The following FAM222A variants were observed in gnomAD, a reference collection of about 807,000 sequenced individuals.
FAM222A encodes the protein protein FAM222A.
Under a neutral mutation model 25.8 loss-of-function variants are expected in FAM222A, and 7 were observed. The ratio of observed to expected loss-of-function variants is 0.27; its 90% CI spans 0.15 to 0.51. The LOEUF (loss-of-function observed/expected upper bound fraction) is 0.51, where lower values mean the gene tolerates loss of function less well. Ranked by LOEUF, FAM222A falls within the 20% of genes least tolerant of loss-of-function variation. The pLI is 0.97. For synonymous variants in FAM222A, 294 were observed against 298.8 expected, an observed-to-expected ratio of 0.98 and a Z score of 0.17; for missense variants, 573 against 640.5, an observed-to-expected ratio of 0.89 and a Z score of 1.14.
At chr12:109,725,653 G>A (rs546311735) in intron 1 of FAM222A, among the ~76,000 whole-genome samples, 21 of 151,968 alleles carry the variant, frequency 1.4e-4, no homozygotes, top group Admixed American at 9.8e-4. Context: ...GCCCATTCCC[G>A]GCCTGTAGTG....
chr12:109,744,160 T>C lies in FAM222A; in HGVS notation c.14T>C (p.Leu5Pro), dbSNP rs975923930. 2 of 1,613,254 alleles carry C rather than the reference T, an allele frequency of 1.2e-6. No individual in the cohort carries two copies. The highest frequency in any genetic ancestry group is 2.7e-5 in the African/African-American group (2 of 74,926). MLAC[L>P]QRTQNAPGQH... is the part of the protein sequence containing the mutation. Reference sequence around the variant, plus strand: ...CCCAGCTCAGCCATGCTGGCCTGTCTGCAGAGGACCCAGAACGCCCCGGGC... The same window carrying C: ...CCCAGCTCAGCCATGCTGGCCTGTCCGCAGAGGACCCAGAACGCCCCGGGC... The change falls in exon 2 of 3, where the codon CTG (leucine) becomes CCG (proline). Residue 5 changes from leucine to proline, a missense_variant. Leu to Pro is a moderately conservative substitution (Grantham distance 98). This residue lies in a region of FAM222A where 112 missense variants were observed against 154.6 expected (regional missense o/e 0.72). Transcript: ENST00000538780.
chr12:109,753,153 GC>G, intron 2 of FAM222A, among the ~76,000 whole-genome samples: 1 of 152,298 alleles, frequency 6.6e-6, no homozygotes, highest in Non-Finnish European at 1.5e-5. Context: ...CACCGTGGGG[GC>G]CTGTGGCGAG....
rs1780125793 is a variant in FAM222A at position 109,768,789 on chromosome 12, T to C, written c.860T>C (p.Leu287Pro). ...GCAGACAGCGGCCTGGATTACCTGC[T>C]GTGGCCGCAGAAACCGCCCCCACCG... ...GYADSGLDYL[L>P]WPQKPPPPPP... The change falls in exon 3 of 3, where the codon CTG (leucine) becomes CCG (proline). Residue 287 changes from leucine to proline, a missense_variant. Around this residue, in one of 3 missense-constraint regions of FAM222A, gnomAD observed 412 missense variants for 407.0 expected, o/e 1.01. Transcript: ENST00000538780. The C allele has an allele frequency of 1.3e-6, 2 of 1,577,540 alleles. No individual in the cohort carries two copies. The highest frequency in any genetic ancestry group is 1.7e-6 in the Non-Finnish European group (2 of 1,167,500).
chr12:109,730,232 T>G (rs1887921347), intron 1 of FAM222A, among the ~76,000 whole-genome samples: 1 of 152,196 alleles, frequency 6.6e-6, no homozygotes, highest in Non-Finnish European at 1.5e-5. Flanking sequence ...CAGGTGAATG[T>G]GGGTTCAAAT....
At chr12:109,757,221 A>C (rs916975325) in intron 2 of FAM222A, among the ~76,000 whole-genome samples, 1 of 152,258 alleles carries the variant, frequency 6.6e-6, no homozygotes, top group Admixed American at 6.5e-5. Flanking sequence ...CAGAGATTCA[A>C]ATGGAAGAAA....
At chr12:109,728,596 T>G (rs1428878988) in intron 1 of FAM222A, among the ~76,000 whole-genome samples, 1 of 152,218 alleles carries the variant, frequency 6.6e-6, no homozygotes, top group Non-Finnish European at 1.5e-5. Context: ...TTGCTCAGAC[T>G]GGGGCATCTG....
At chr12:109,727,400 C>T (rs987189269) in intron 1 of FAM222A, among the ~76,000 whole-genome samples, 4 of 152,180 alleles carry the variant, frequency 2.6e-5, no homozygotes, top group African/African-American at 9.7e-5. Flanking sequence ...CCGACACCTC[C>T]AGGGGACTGG....
intron 2 of FAM222A, among the ~76,000 whole-genome samples, chr12:109,754,806 T>C (rs529090181): frequency 1.3e-5 from 2 of 152,208 alleles, no homozygotes; most frequent in South Asian, 4.2e-4. Flanking sequence ...TAGCTGGGAC[T>C]ACAAGCTCAT....
intron 1 of FAM222A, among the ~76,000 whole-genome samples, chr12:109,739,791 G>A (rs780985451): frequency 6.6e-6 from 1 of 152,212 alleles, no homozygotes; most frequent in Non-Finnish European, 1.5e-5. Context: ...GGCATCCTTG[G>A]GCTCTGCTAT....
intron 1 of FAM222A, among the ~76,000 whole-genome samples, chr12:109,723,257 T>C (rs1028032393): frequency 7.2e-5 from 11 of 152,064 alleles, no homozygotes; most frequent in African/African-American, 2.7e-4. Flanking sequence ...CCTTGAGATA[T>C]TCTTAGTATT....
rs551911735 is a variant in FAM222A, at chr12:109,730,995, C to T, written c.-46-13106C>T. On this transcript the variant is annotated intron_variant, in intron 1 of 2. Coordinates refer to ENST00000538780, the MANE Select transcript of FAM222A (RefSeq NM_032829.3). ...TCATCACCGGCTTCATCCTCACAAC[C>T]GGCTGGTGAGGAAGGTGTGGTTTCT... is the stretch of plus-strand genomic sequence containing the variant. 4.6e-5 allele frequency among the ~76,000 whole-genome samples: 7 copies of T among 152,224 alleles called. No individual in the cohort carries two copies. The East Asian group carries it at 1.2e-3, about 25-fold the overall frequency.
chr12:109,730,704 C>T (rs1592781174), intron 1 of FAM222A, among the ~76,000 whole-genome samples: 1 of 152,208 alleles, frequency 6.6e-6, no homozygotes, highest in African/African-American at 2.4e-5. Flanking sequence ...CAGCCTGGCA[C>T]ACCACAGGTG....
chr12:109,769,209 GC>G lies in FAM222A; in HGVS notation c.1281del (p.Lys428ArgfsTer63). The G allele has an allele frequency of 1.2e-6, 2 of 1,612,186 alleles. No homozygotes were observed. Among genetic ancestry groups the G allele is most frequent in the Non-Finnish European group, 1.7e-6 (2 of 1,179,732 alleles). ...RPPCIKEQML[G>X]KGYETVAVPR... ...CCCTGCATCAAGGAGCAGATGCTGG[GC>G]AAGGGCTATGAGACGGTGGCCGTGC... On this transcript the variant is annotated frameshift_variant, in exon 3 of 3. Coordinates refer to ENST00000538780, the MANE Select transcript of FAM222A (RefSeq NM_032829.3). LOFTEE classifies it high-confidence loss of function.
At chr12:109,755,287 CTTTTTTTTTTTTTTTTTTTTTTTTTTTT>C (rs540689300) in intron 2 of FAM222A, among the ~76,000 whole-genome samples, 5 of 49,384 alleles carry the variant, frequency 1.0e-4, no homozygotes, top group Non-Finnish European at 1.4e-4. Context: ...TGTAATTCTT[CTTTTTTTTTTTTTTTTTTTTTTTTTTTT>C]TTTTTTTTTT....
chr12:109,770,467 C>T lies in FAM222A; in HGVS notation c.*1179C>T, dbSNP rs952500651. The T allele has an allele frequency of 4.6e-5, 7 of 152,500 alleles. No homozygotes were observed. Among genetic ancestry groups the T allele is most frequent in the South Asian group, 2.1e-4 (1 of 4,830 alleles). 9.4% of individuals were successfully genotyped at this position (152,500 alleles called of 1,614,324 possible). On this transcript the variant is annotated 3_prime_UTR_variant, in exon 3 of 3. Transcript: ENST00000538780. The stretch of plus-strand genomic sequence containing the variant: ...AGTCTGCACTATATTGTTTTAAAAA[C>T]GAAGAGAAAGAAGAAAAAGGAAAAC...
At chr12:109,751,893 T>C (rs961810887) in intron 2 of FAM222A, among the ~76,000 whole-genome samples, 31 of 152,210 alleles carry the variant, frequency 2.0e-4, no homozygotes. Flanking sequence ...CTTTTTTGTT[T>C]AGGGGTTTAG....
At chr12:109,734,416 G>A (rs4766485) in intron 1 of FAM222A, 27,256 of 151,548 alleles carry the variant, frequency 0.18, 2,758 homozygotes, top group East Asian at 0.29. Flanking sequence ...ATCCGGCTCC[G>A]CAGAAAGCTC....
chr12:109,723,934 G>GAA lies in FAM222A; in HGVS notation c.-47+9045_-47+9046dup, dbSNP rs11458746. On this transcript the variant is annotated intron_variant, in intron 1 of 2. Coordinates refer to ENST00000538780, the MANE Select transcript of FAM222A (RefSeq NM_032829.3). ...CATCTGTGCCACCATATGCAAAAGA[G>GAA]AAAAAAAAATCCCCTTTTTTTTTCT... is the stretch of plus-strand genomic sequence containing the variant. Among the ~76,000 whole-genome samples, 9 of 151,300 alleles carry GAA rather than the reference G, an allele frequency of 5.9e-5. No homozygotes were observed. The East Asian group carries it at 7.8e-4, about 13-fold the overall frequency.
chr12:109,716,843 G>C (rs1887655446), intron 1 of FAM222A, among the ~76,000 whole-genome samples: 1 of 152,262 alleles, frequency 6.6e-6, no homozygotes, highest in Non-Finnish European at 1.5e-5. Context: ...GGGAGTGCCA[G>C]CTTTCTCAGC....
Sources: allele counts gnomAD v4.1 joint callset (sites outside exome capture counted in the v4.1 genomes callset), GRCh38; gene constraint gnomAD v4.1.1; regional missense constraint gnomAD v4.1.1; transcripts MANE v1.5; gene names NCBI Gene and HGNC (gene_info 2026-07-23, HGNC 2026-07-21).